Variants in HAPLN1 observed in about 807,000 individuals in gnomAD.
HAPLN1 encodes the protein hyaluronan and proteoglycan link protein 1.
A neutral mutation model predicts 36.5 loss-of-function variants in HAPLN1; 13 were observed. That is an observed-to-expected ratio of 0.36 (90% CI 0.23 to 0.57). The LOEUF is 0.57. Ranked by LOEUF, HAPLN1 falls within the 20% of genes least tolerant of loss-of-function variation. The pLI, the probability that HAPLN1 is intolerant of heterozygous loss-of-function variation, is 0.83. For missense variants in HAPLN1, 407 were observed against 439.7 expected, an observed-to-expected ratio of 0.93 and a Z score of 0.66; for synonymous variants, 202 against 169.8, an observed-to-expected ratio of 1.19 and a Z score of -1.48.
chr5:83,718,283 C>A (rs1751956657), intron 1 of HAPLN1, among the ~76,000 whole-genome samples: 1 of 152,144 alleles, frequency 6.6e-6, no homozygotes, highest in African/African-American at 2.4e-5. Flanking sequence ...AGTTTCTACC[C>A]TGAGCACCTA....
intron 1 of HAPLN1, among the ~76,000 whole-genome samples, chr5:83,677,577 T>C (rs336958): frequency 0.81 from 122,630 of 152,122 alleles, 49,981 homozygotes; most frequent in African/African-American, 0.93. Context: ...TTAGCCTGGG[T>C]CTGATCCTTT....
intron 2 of HAPLN1, among the ~76,000 whole-genome samples, chr5:83,659,270 T>A (rs1042113792): frequency 7.3e-6 from 1 of 136,406 alleles, no homozygotes; most frequent in South Asian, 2.5e-4. Context: ...CGAGACTTCA[T>A]CTTAAAAAAA....
At chr5:83,654,991 T>C (rs1235042502) in intron 2 of HAPLN1, among the ~76,000 whole-genome samples, 1 of 152,246 alleles carries the variant, frequency 6.6e-6, no homozygotes, top group Non-Finnish European at 1.5e-5. Context: ...TACTAAACTG[T>C]TCCTACTGCA....
chr5:83,687,884 C>T (rs1751170040), intron 1 of HAPLN1, among the ~76,000 whole-genome samples: 1 of 152,134 alleles, frequency 6.6e-6, no homozygotes, highest in African/African-American at 2.4e-5. Flanking sequence ...TGTTCTTGTA[C>T]TGAAACATCA....
intron 2 of HAPLN1, among the ~76,000 whole-genome samples, chr5:83,664,152 G>C (rs1021604280): frequency 6.6e-6 from 1 of 152,012 alleles, no homozygotes; most frequent in Admixed American, 6.6e-5. Context: ...GGCTTCTTTC[G>C]GTTTGAAAGC....
chr5:83,661,817 T>C (rs1453002703), intron 2 of HAPLN1, among the ~76,000 whole-genome samples: 3 of 152,198 alleles, frequency 2.0e-5, no homozygotes, highest in African/African-American at 7.2e-5. Flanking sequence ...AACGTAGTTA[T>C]ATAAATTGAA....
At chr5:83,667,609 A>G (rs1750588469) in intron 2 of HAPLN1, among the ~76,000 whole-genome samples, 1 of 152,232 alleles carries the variant, frequency 6.6e-6, no homozygotes, top group African/African-American at 2.4e-5. Flanking sequence ...TTTTCCAAAC[A>G]GACTCAGATA....
intron 1 of HAPLN1, among the ~76,000 whole-genome samples, chr5:83,706,581 C>T (rs1181783815): frequency 6.6e-6 from 1 of 152,134 alleles, no homozygotes; most frequent in Admixed American, 6.5e-5. Context: ...GAACATACCT[C>T]AAAATAGTAA....
chr5:83,717,606 C>T (rs776235115), intron 1 of HAPLN1, among the ~76,000 whole-genome samples: 3 of 152,116 alleles, frequency 2.0e-5, no homozygotes, highest in Non-Finnish European at 4.4e-5. Context: ...AGTGATAATT[C>T]GTATATCTTT....
chr5:83,645,475 C>CTTTCTTTTTTTTTTTTT (rs1428903218), intron 3 of HAPLN1, among the ~76,000 whole-genome samples: 3 of 74,370 alleles, frequency 4.0e-5, no homozygotes, highest in African/African-American at 6.2e-5. Flanking sequence ...CTTTTTCTTT[C>CTTTCTTTTTTTTTTTTT]TTTTTTTTTT....
chr5:83,656,719 G>T (rs985021132), intron 2 of HAPLN1, among the ~76,000 whole-genome samples: 9 of 152,148 alleles, frequency 5.9e-5, no homozygotes, highest in African/African-American at 2.2e-4. Flanking sequence ...GCTCAGAGTT[G>T]TCTCCAGGGG....
At chr5:83,673,146 T>C (rs1208465144) in intron 2 of HAPLN1, among the ~76,000 whole-genome samples, 1 of 152,246 alleles carries the variant, frequency 6.6e-6, no homozygotes, top group Non-Finnish European at 1.5e-5. Flanking sequence ...GCCTCCATTT[T>C]ACTTGAAGAT....
At chr5:83,701,271 A>T (rs995793991) in intron 1 of HAPLN1, among the ~76,000 whole-genome samples, 8 of 152,246 alleles carry the variant, frequency 5.3e-5, no homozygotes, top group Admixed American at 5.2e-4. Context: ...TATTAAACTT[A>T]TTTCGTGTAG....
intron 1 of HAPLN1, among the ~76,000 whole-genome samples, chr5:83,714,204 T>C (rs1037558140): frequency 6.6e-6 from 1 of 152,090 alleles, no homozygotes; most frequent in African/African-American, 2.4e-5. Flanking sequence ...ACCCCTCTCC[T>C]CTAGGCTACT....
chr5:83,661,682 A>G (rs1750397389), intron 2 of HAPLN1, among the ~76,000 whole-genome samples: 1 of 151,972 alleles, frequency 6.6e-6, no homozygotes, highest in Non-Finnish European at 1.5e-5. Flanking sequence ...TGACCTCGTG[A>G]TCCGCCCGCC....
At chr5:83,692,541 CA>C (rs1561319408) in intron 1 of HAPLN1, among the ~76,000 whole-genome samples, 1 of 151,766 alleles carries the variant, frequency 6.6e-6, no homozygotes, top group Non-Finnish European at 1.5e-5. Context: ...AAATATGTCT[CA>C]TAGACAAAGG....
intron 1 of HAPLN1, among the ~76,000 whole-genome samples, chr5:83,714,900 C>T (rs1751882986): frequency 6.6e-6 from 1 of 152,244 alleles, no homozygotes; most frequent in Non-Finnish European, 1.5e-5. Flanking sequence ...AATGTTAAAA[C>T]AGGATGGATG....
chr5:83,699,924 A>G (rs552177930), intron 1 of HAPLN1, among the ~76,000 whole-genome samples: 8 of 152,216 alleles, frequency 5.3e-5, no homozygotes, highest in African/African-American at 1.9e-4. Context: ...TTTAAAAACT[A>G]CACCTTCACA....
At position 83,638,824 on chromosome 5, in the gene HAPLN1, G is replaced by T. The variant is rs1015907456; in HGVS notation, c.*2672C>A. 6.6e-6 allele frequency: 1 copy of T among 151,946 alleles called. No individual in the cohort carries two copies. Among genetic ancestry groups the T allele is most frequent in the South Asian group, 2.1e-4 (1 of 4,826 alleles). 9.4% of individuals were successfully genotyped at this position (151,946 alleles called of 1,614,324 possible). ...GTGTTAATGTGACCAACTTATTTTC[G>T]TTCTTATGTTGTCTTTTTATTTGAA... is the stretch of plus-strand genomic sequence containing the variant. On this transcript the variant is annotated 3_prime_UTR_variant, in exon 5 of 5. Transcript: ENST00000274341.
Sources: allele counts gnomAD v4.1 joint callset (sites outside exome capture counted in the v4.1 genomes callset), GRCh38; gene constraint gnomAD v4.1.1; transcripts MANE v1.5; gene names NCBI Gene and HGNC (gene_info 2026-07-23, HGNC 2026-07-21).